AKAP12: variants seen among roughly 807,000 people sequenced by gnomAD.
The protein encoded by AKAP12 is A-kinase anchoring protein 12, also known as A-kinase anchor protein 12.
Under a neutral mutation model 79.9 loss-of-function variants are expected in AKAP12, and 32 were observed. The observed-to-expected ratio is 0.40, with a 90% CI of 0.30 to 0.54. AKAP12 has a LOEUF of 0.54. Ranked by LOEUF, AKAP12 falls within the 20% of genes least tolerant of loss-of-function variation. AKAP12 has a pLI of 0.48. For synonymous variants in AKAP12, 808 were observed against 857.0 expected (o/e 0.94, Z 1.00); for missense variants, 2,074 against 2,177.0 (o/e 0.95, Z 0.94).
chr6:151,300,138 G>A (rs144015400), intron 2 of AKAP12, among the ~76,000 whole-genome samples: 136 of 152,028 alleles, frequency 8.9e-4, no homozygotes, highest in African/African-American at 3.2e-3. Context: ...CTTTCTATTA[G>A]AATGAAGGAG....
chr6:151,340,781 T>G (rs1246990494), intron 3 of AKAP12, among the ~76,000 whole-genome samples: 2 of 117,204 alleles, frequency 1.7e-5, no homozygotes, highest in African/African-American at 1.0e-4. Context: ...TTGATTTTCG[T>G]CCTGTGACAC....
intron 3 of AKAP12, 82 bp from the exon 4 acceptor site, chr6:151,348,629 G>A: frequency 9.7e-7 from 1 of 1,034,342 alleles, no homozygotes; most frequent in Non-Finnish European, 1.4e-6. Flanking sequence ...AGAGAGTGAG[G>A]CCCTGTCGGA....
intron 3 of AKAP12, among the ~76,000 whole-genome samples, chr6:151,311,200 C>T (rs1049338764): frequency 3.9e-5 from 6 of 152,228 alleles, no homozygotes; most frequent in Non-Finnish European, 7.3e-5. Flanking sequence ...AAATTCTTGG[C>T]TTCAAGCTTC....
chr6:151,309,220 A>G (rs1438683729), intron 3 of AKAP12, among the ~76,000 whole-genome samples: 4 of 152,194 alleles, frequency 2.6e-5, no homozygotes, highest in Non-Finnish European at 4.4e-5. Context: ...TCAGAATTCT[A>G]TATGACAGTT....
At chr6:151,312,019 C>T (rs1447143025) in intron 3 of AKAP12, among the ~76,000 whole-genome samples, 4 of 152,114 alleles carry the variant, frequency 2.6e-5, no homozygotes, top group Non-Finnish European at 5.9e-5. Context: ...GATTTGATTC[C>T]TTTTCTATTT....
At chr6:151,297,699 G>T (rs767019469) in intron 2 of AKAP12, among the ~76,000 whole-genome samples, 3 of 152,068 alleles carry the variant, frequency 2.0e-5, no homozygotes, top group Non-Finnish European at 4.4e-5. Context: ...CCGTGTGAAT[G>T]TGTGTCCTGG....
chr6:151,313,349 T>G (rs1777162185), intron 3 of AKAP12, among the ~76,000 whole-genome samples: 1 of 152,230 alleles, frequency 6.6e-6, no homozygotes, highest in Non-Finnish European at 1.5e-5. Context: ...TTGCATGACA[T>G]TTTCTCAAGC....
chr6:151,328,818 T>C (rs963656971), intron 3 of AKAP12, among the ~76,000 whole-genome samples: 1 of 152,086 alleles, frequency 6.6e-6, no homozygotes, highest in Admixed American at 6.6e-5. Flanking sequence ...TGGCATTTTG[T>C]AGGAACTACT....
At chr6:151,341,329 C>T (rs1222510318) in intron 3 of AKAP12, among the ~76,000 whole-genome samples, 8 of 152,344 alleles carry the variant, frequency 5.3e-5, no homozygotes, top group Non-Finnish European at 1.0e-4. Flanking sequence ...GCTGGGATTA[C>T]AGGCGTGAGC....
intron 3 of AKAP12, among the ~76,000 whole-genome samples, chr6:151,326,816 TTG>T (rs200049827): frequency 2.1e-5 from 2 of 97,426 alleles, no homozygotes; most frequent in African/African-American, 7.6e-5. Flanking sequence ...TTTTGTTTGT[TTG>T]TTTTTTGTTT....
chr6:151,311,896 G>A (rs1460190318), intron 3 of AKAP12, among the ~76,000 whole-genome samples: 2 of 152,070 alleles, frequency 1.3e-5, no homozygotes, highest in South Asian at 2.1e-4. Flanking sequence ...AACTTTATCT[G>A]TATAGTAGGC....
intron 2 of AKAP12, among the ~76,000 whole-genome samples, chr6:151,278,856 A>G (rs1776341074): frequency 6.6e-6 from 1 of 151,688 alleles, no homozygotes; most frequent in Non-Finnish European, 1.5e-5. Flanking sequence ...TTTAGTAGAG[A>G]CAGGGTTTCA....
Position 151,255,227 on chromosome 6 carries a change from A to G in AKAP12, c.162+14503A>G, listed in dbSNP as rs193063357. ...GTTGCCCAGGCTGGAGTGCAGTGGC[A>G]CGATCTCGGCTCACGGCAACCTCTG... On this transcript the variant is annotated intron_variant, in intron 2 of 4. Coordinates refer to ENST00000402676, the MANE Select transcript of AKAP12 (RefSeq NM_005100.4). Among the ~76,000 whole-genome samples the G allele has an allele frequency of 4.3e-3, 645 of 151,714 alleles. 2 individuals carry two copies. Among genetic ancestry groups the G allele is most frequent in the African/African-American group, 0.014 (570 of 41,346 alleles).
intron 2 of AKAP12, among the ~76,000 whole-genome samples, chr6:151,270,866 A>C (rs9383875): frequency 0.14 from 21,397 of 152,164 alleles, 1,570 homozygotes; most frequent in East Asian, 0.19. Context: ...TGACTTCTGA[A>C]ATGAATGTGT....
intron 3 of AKAP12, among the ~76,000 whole-genome samples, chr6:151,320,404 G>A (rs1211317599): frequency 1.3e-5 from 2 of 151,992 alleles, no homozygotes; most frequent in East Asian, 1.9e-4. Context: ...ACAGGCATGA[G>A]CCACCTCGCC....
chr6:151,348,324 C>CAAAAAA, intron 3 of AKAP12: 3 of 394,360 alleles, frequency 7.6e-6, no homozygotes, highest in East Asian at 8.0e-5. Context: ...GACTCTGTCT[C>CAAAAAA]AAAAAAAAAA....
At chr6:151,319,484 T>TCTATCTAC (rs1491276888) in intron 3 of AKAP12, among the ~76,000 whole-genome samples, 1 of 134,642 alleles carries the variant, frequency 7.4e-6, no homozygotes, top group Non-Finnish European at 1.5e-5. Flanking sequence ...TATCTATCTA[T>TCTATCTAC]CTACTATCTA....
intron 3 of AKAP12, among the ~76,000 whole-genome samples, chr6:151,306,579 G>A (rs1776982809): frequency 6.6e-6 from 1 of 152,190 alleles, no homozygotes; most frequent in African/African-American, 2.4e-5. Flanking sequence ...TATGTAAAAT[G>A]ATGATTCGGC....
intron 2 of AKAP12, among the ~76,000 whole-genome samples, chr6:151,272,358 A>C (rs1468379598): frequency 3.3e-5 from 5 of 150,418 alleles, no homozygotes; most frequent in Admixed American, 6.6e-5. Flanking sequence ...AAAAAAAAAA[A>C]ACAAAAAAAA....
Sources: allele counts gnomAD v4.1 joint callset (sites outside exome capture counted in the v4.1 genomes callset), GRCh38; gene constraint gnomAD v4.1.1; transcripts MANE v1.5; gene names NCBI Gene and HGNC (gene_info 2026-07-23, HGNC 2026-07-21).